FARP1: variants seen among roughly 807,000 people sequenced by gnomAD.
The protein encoded by FARP1 is FERM, ARH/RhoGEF and pleckstrin domain protein 1, also known as FERM, ARHGEF and pleckstrin domain-containing protein 1.
A neutral mutation model predicts 128.8 loss-of-function variants in FARP1; 52 were observed. The observed-to-expected ratio is 0.40, with a 90% CI of 0.32 to 0.51. The LOEUF is 0.51. FARP1 is among the 20% of genes least tolerant of loss of function. The pLI, the probability that FARP1 is intolerant of heterozygous loss-of-function variation, is 0.45. For synonymous variants in FARP1, 580 were observed against 551.8 expected (o/e 1.05, Z -0.72); for missense variants, 1,333 against 1,367.9 (o/e 0.97, Z 0.40).
intron 2 of FARP1, among the ~76,000 whole-genome samples, chr13:98,284,184 T>A (rs79962157): frequency 7.0e-6 from 1 of 143,242 alleles, no homozygotes; most frequent in South Asian, 2.2e-4. Context: ...TTTTGTGTGA[T>A]TTTTTTTTTT....
intron 1 of FARP1, among the ~76,000 whole-genome samples, chr13:98,184,205 C>A (rs1241119091): frequency 3.3e-5 from 5 of 149,492 alleles, no homozygotes; most frequent in African/African-American, 1.2e-4. Flanking sequence ...GCAACCTCTG[C>A]CTTCTGGGTT....
chr13:98,149,265 G>GCTA (rs1467034349), intron 1 of FARP1, among the ~76,000 whole-genome samples: 1 of 151,844 alleles, frequency 6.6e-6, no homozygotes, highest in Non-Finnish European at 1.5e-5. Context: ...CTGCTCCCTT[G>GCTA]CTACTGTCTT....
At chr13:98,168,245 T>C (rs769790881) in intron 1 of FARP1, among the ~76,000 whole-genome samples, 9 of 152,210 alleles carry the variant, frequency 5.9e-5, no homozygotes, top group Non-Finnish European at 8.8e-5. Context: ...ACTATCACTA[T>C]TGACAGCTAA....
chr13:98,390,400 G>C (rs1053256844), intron 10 of FARP1, among the ~76,000 whole-genome samples: 3 of 152,228 alleles, frequency 2.0e-5, no homozygotes, highest in African/African-American at 7.2e-5. Context: ...AACATTTGGT[G>C]TTGCTTCATA....
intron 2 of FARP1, among the ~76,000 whole-genome samples, chr13:98,343,262 A>G (rs1888045400): frequency 6.6e-6 from 1 of 152,176 alleles, no homozygotes; most frequent in South Asian, 2.1e-4. Flanking sequence ...CAGTGAAACT[A>G]TTCTGTATGA....
At chr13:98,198,760 C>T (rs1255526799) in intron 1 of FARP1, among the ~76,000 whole-genome samples, 2 of 151,348 alleles carry the variant, frequency 1.3e-5, no homozygotes, top group African/African-American at 4.9e-5. Flanking sequence ...TGCCTGTAAT[C>T]CCAGGTACTA....
intron 2 of FARP1, among the ~76,000 whole-genome samples, chr13:98,304,542 G>A (rs960777535): frequency 1.3e-5 from 2 of 152,146 alleles, no homozygotes; most frequent in Middle Eastern, 3.2e-3. Flanking sequence ...GCTGCAGAGC[G>A]GTACAGGCCT....
chr13:98,312,771 C>A (rs1054209147), intron 2 of FARP1, among the ~76,000 whole-genome samples: 1 of 152,082 alleles, frequency 6.6e-6, no homozygotes, highest in Non-Finnish European at 1.5e-5. Flanking sequence ...ACAACAGAGC[C>A]GCGGCGTTTT....
At chr13:98,347,239 A>G (rs1470682158) in intron 3 of FARP1, among the ~76,000 whole-genome samples, 1 of 152,188 alleles carries the variant, frequency 6.6e-6, no homozygotes, top group Admixed American at 6.5e-5. Flanking sequence ...TACCATCGTC[A>G]TCTTCGTAGT....
At chr13:98,418,670 G>A (rs1020186457) in intron 16 of FARP1, among the ~76,000 whole-genome samples, 1 of 152,214 alleles carries the variant, frequency 6.6e-6, no homozygotes, top group Admixed American at 6.5e-5. Context: ...AGAGCAAGCT[G>A]TTTCCCTGAG....
chr13:98,242,441 C>T (rs1410522265), intron 2 of FARP1, among the ~76,000 whole-genome samples: 1 of 151,968 alleles, frequency 6.6e-6, no homozygotes, highest in Non-Finnish European at 1.5e-5. Context: ...TTTGTGAGGC[C>T]GAGGTGAGAA....
intron 1 of FARP1, among the ~76,000 whole-genome samples, chr13:98,167,629 C>A (rs1877362177): frequency 1.3e-5 from 2 of 151,682 alleles, no homozygotes; most frequent in Admixed American, 1.3e-4. Flanking sequence ...AGGCTGGTCG[C>A]GAACTTCTGA....
chr13:98,380,217 C>T (rs1448085660), intron 6 of FARP1, among the ~76,000 whole-genome samples: 12 of 152,024 alleles, frequency 7.9e-5, no homozygotes, highest in South Asian at 2.1e-4. Flanking sequence ...GAGGCCGAGG[C>T]GGGCGGATCA....
At chr13:98,309,506 T>C (rs1886356204) in intron 2 of FARP1, among the ~76,000 whole-genome samples, 2 of 152,192 alleles carry the variant, frequency 1.3e-5, no homozygotes, top group South Asian at 4.1e-4. Flanking sequence ...ATATGGCTAC[T>C]AGAAACTTTT....
In FARP1 at chr13:98,343,813, C is replaced by G; in HGVS notation, c.223C>G (p.Leu75Val). 2.5e-6 allele frequency: 4 copies of G among 1,614,112 alleles called. No homozygotes were observed. Among genetic ancestry groups the G allele is most frequent in the Non-Finnish European group, 3.4e-6 (4 of 1,179,986 alleles). Residue 75 changes from leucine to valine, a missense_variant, in exon 3 of 27, where the codon CTC (leucine) becomes GTC (valine). This residue lies in a region of FARP1 where 324 missense variants were observed against 398.1 expected (regional missense o/e 0.81). Transcript: ENST00000319562. ...LLDAVCNHLN[L>V]VEGDYFGLEF... Reference sequence around the variant, plus strand: ...GGATGCAGTTTGCAACCACCTCAACCTCGTGGAAGGTGACTATTTTGGCCT... The same window carrying G: ...GGATGCAGTTTGCAACCACCTCAACGTCGTGGAAGGTGACTATTTTGGCCT...
chr13:98,291,873 C>T (rs1021467104), intron 2 of FARP1, among the ~76,000 whole-genome samples: 1 of 152,206 alleles, frequency 6.6e-6, no homozygotes. Flanking sequence ...TGGCCCAATT[C>T]CCCTGCATTT....
intron 2 of FARP1, among the ~76,000 whole-genome samples, chr13:98,287,105 C>A (rs1885207535): frequency 6.6e-6 from 1 of 150,890 alleles, no homozygotes; most frequent in African/African-American, 2.4e-5. Context: ...ACTACAGATA[C>A]AAAATGTTCG....
chr13:98,435,994 A>G, intron 19 of FARP1: 1 of 385,588 alleles, frequency 2.6e-6, no homozygotes, highest in Non-Finnish European at 5.1e-6. Flanking sequence ...GAGATTGCTT[A>G]TTTTATTTTT....
At chr13:98,426,852 C>G (rs1891808334) in intron 17 of FARP1, among the ~76,000 whole-genome samples, 1 of 152,230 alleles carries the variant, frequency 6.6e-6, no homozygotes, top group South Asian at 2.1e-4. Context: ...GGATAACAGA[C>G]ATCTTTTCCA....
Sources: allele counts gnomAD v4.1 joint callset (sites outside exome capture counted in the v4.1 genomes callset), GRCh38; gene constraint gnomAD v4.1.1; regional missense constraint gnomAD v4.1.1; transcripts MANE v1.5; gene names NCBI Gene and HGNC (gene_info 2026-07-23, HGNC 2026-07-21).